The following EGLN1 variants were observed in gnomAD, a reference collection of about 807,000 sequenced individuals.
EGLN1 encodes egl nine homolog 1.
In EGLN1, 17 loss-of-function variants were observed where a neutral mutation model predicts 38.3. The observed-to-expected ratio is 0.44, with a 90% CI of 0.30 to 0.67. The LOEUF (loss-of-function observed/expected upper bound fraction) is 0.67. Ranked by LOEUF, EGLN1 falls within the 30% of genes least tolerant of loss-of-function variation. The probability of loss-of-function intolerance (pLI) is 0.08; values close to 1 mark genes in which losing one functional copy is unlikely to be tolerated. For missense variants in EGLN1, 477 were observed against 603.3 expected (o/e 0.79, Z 2.19); for synonymous variants, 283 against 257.5 (o/e 1.10, Z -0.95).
intron 2 of EGLN1, among the ~76,000 whole-genome samples, chr1:231,370,986 T>C (rs1015533565): frequency 1.3e-5 from 2 of 152,114 alleles, no homozygotes; most frequent in Admixed American, 1.3e-4. Context: ...GCCTCCTAGG[T>C]TCAAGCAATT....
At chr1:231,373,842 A>C in intron 2 of EGLN1, 138 bp downstream of exon 2, 117 of 922,920 alleles carry the variant, frequency 1.3e-4, no homozygotes, top group Middle Eastern at 3.4e-4. Flanking sequence ...ATCCACTCCT[A>C]ATACCTGAGA....
chr1:231,394,362 T>C (rs898569868), intron 1 of EGLN1, among the ~76,000 whole-genome samples: 2 of 151,060 alleles, frequency 1.3e-5, no homozygotes, highest in African/African-American at 4.8e-5. Flanking sequence ...CTCTCAGCCA[T>C]TATTTTAGTC....
At chr1:231,368,708 T>C (rs1687730670) in intron 3 of EGLN1, among the ~76,000 whole-genome samples, 1 of 152,212 alleles carries the variant, frequency 6.6e-6, no homozygotes, top group Middle Eastern at 3.2e-3. Flanking sequence ...GCAACATTTA[T>C]CAGACATACA....
At chr1:231,414,844 T>C (rs956893722) in intron 1 of EGLN1, among the ~76,000 whole-genome samples, 3 of 150,054 alleles carry the variant, frequency 2.0e-5, no homozygotes, top group Non-Finnish European at 4.4e-5. Flanking sequence ...CAAGCGATCC[T>C]CCCACCTCAG....
intron 1 of EGLN1, among the ~76,000 whole-genome samples, chr1:231,402,976 G>A (rs1688700091): frequency 6.6e-6 from 1 of 150,554 alleles, no homozygotes; most frequent in Non-Finnish European, 1.5e-5. Context: ...CTGTACCATT[G>A]CTCTACATCT....
intron 1 of EGLN1, among the ~76,000 whole-genome samples, chr1:231,389,686 C>T (rs559398188): frequency 1.5e-4 from 23 of 152,256 alleles, no homozygotes; most frequent in South Asian, 6.2e-4. Flanking sequence ...CGGTGGCTCA[C>T]GCCTGTAATC....
intron 1 of EGLN1, among the ~76,000 whole-genome samples, chr1:231,380,127 G>A (rs1167289561): frequency 6.6e-6 from 1 of 152,136 alleles, no homozygotes; most frequent in Non-Finnish European, 1.5e-5. Context: ...TGGGATAGCT[G>A]AAGCCGTGTG....
chr1:231,413,791 A>G (rs1689010721), intron 1 of EGLN1, among the ~76,000 whole-genome samples: 1 of 152,070 alleles, frequency 6.6e-6, no homozygotes, highest in African/African-American at 2.4e-5. Flanking sequence ...AAAATATAAC[A>G]AAGGGTAAAG....
At chr1:231,392,761 T>A (rs868027304) in intron 1 of EGLN1, among the ~76,000 whole-genome samples, 2 of 152,234 alleles carry the variant, frequency 1.3e-5, no homozygotes, top group Non-Finnish European at 2.9e-5. Flanking sequence ...GACAGTCTCA[T>A]AATCTTTATC....
intron 1 of EGLN1, among the ~76,000 whole-genome samples, chr1:231,393,194 T>C (rs1458178774): frequency 6.6e-6 from 1 of 152,264 alleles, no homozygotes; most frequent in Non-Finnish European, 1.5e-5. Flanking sequence ...TTGATAATAT[T>C]GTTTGAGCCC....
Position 231,413,840 on chromosome 1 carries a change from G to C in EGLN1, c.891+7158C>G, listed in dbSNP as rs530701475. On this transcript the variant is annotated intron_variant, in intron 1 of 4. Coordinates refer to ENST00000366641, the MANE Select transcript of EGLN1 (RefSeq NM_022051.3). ...TGCTTTGGTAAAGAAATGGGACCTG[G>C]AACACTGAATAAGAAAAAAGAGAAT... Among the ~76,000 whole-genome samples the C allele has an allele frequency of 1.1e-3, 163 of 152,136 alleles. 1 individual carries two copies. The highest frequency in any genetic ancestry group is 3.7e-3 in the African/African-American group (154 of 41,418).
intron 1 of EGLN1, among the ~76,000 whole-genome samples, chr1:231,400,303 GTA>G (rs66855888): frequency 0.54 from 82,541 of 151,626 alleles, 24,095 homozygotes; most frequent in Non-Finnish European, 0.65. Flanking sequence ...AAAATAGTAG[GTA>G]TATATATATT....
chr1:231,401,038 G>A (rs977809351), intron 1 of EGLN1, among the ~76,000 whole-genome samples: 2 of 152,082 alleles, frequency 1.3e-5, no homozygotes, highest in Non-Finnish European at 2.9e-5. Context: ...GCAACAGAGT[G>A]AGACCCTATC....
chr1:231,421,963 G>A lies in EGLN1; in HGVS notation c.-75C>T. ...TAGCGGCCGGACGGCCTCGCCCGAG[G>A]CTGGGGAGCGGGGAGAGAGATAGGG... On this transcript the variant is annotated 5_prime_UTR_variant, in exon 1 of 5. Coordinates refer to ENST00000366641, the MANE Select transcript of EGLN1 (RefSeq NM_022051.3). The surrounding 1 kb of genome is among the most constrained non-coding windows in gnomAD (Gnocchi z 5.5). 1.5e-6 allele frequency: 2 copies of A among 1,318,948 alleles called. No individual in the cohort carries two copies. Among genetic ancestry groups the A allele is most frequent in the Non-Finnish European group, 1.9e-6 (2 of 1,041,984 alleles). 81.7% of individuals were successfully genotyped at this position (1,318,948 alleles called of 1,614,324 possible). A position where few individuals can be genotyped will look rare whatever the true frequency, so the allele number is the denominator to read the frequency against.
At chr1:231,397,746 CAAG>C (rs1448129821) in intron 1 of EGLN1, among the ~76,000 whole-genome samples, 1 of 152,114 alleles carries the variant, frequency 6.6e-6, no homozygotes, top group Non-Finnish European at 1.5e-5. Flanking sequence ...TAGAATGTTG[CAAG>C]AAGATCTCCA....
intron 1 of EGLN1, among the ~76,000 whole-genome samples, chr1:231,391,249 C>T (rs1688378704): frequency 8.2e-6 from 1 of 122,308 alleles, no homozygotes; most frequent in African/African-American, 2.7e-5. Flanking sequence ...CCATGCCCAG[C>T]TGGTATATCT....
chr1:231,397,443 T>C (rs1401239653), intron 1 of EGLN1, among the ~76,000 whole-genome samples: 1 of 152,226 alleles, frequency 6.6e-6, no homozygotes, highest in Non-Finnish European at 1.5e-5. Context: ...TGACAAACTA[T>C]AGCCTGCAGG....
chr1:231,422,202 T>A lies in EGLN1; in HGVS notation c.-314A>T. ...CCTGGGGAGCGCAAGACCGGCCCCC[T>A]CGGCCGCCGCCGCCGCCTCAGCGTC... On this transcript the variant is annotated 5_prime_UTR_variant, in exon 1 of 5. Coordinates refer to ENST00000366641, the MANE Select transcript of EGLN1 (RefSeq NM_022051.3). The A allele has an allele frequency of 5.3e-6, 1 of 189,436 alleles. No homozygotes were observed. Among genetic ancestry groups the A allele is most frequent in the Non-Finnish European group, 1.1e-5 (1 of 93,654 alleles). The allele number at this position is 189,436 out of a possible 1,614,324, so 11.7% of individuals were successfully genotyped here. A position where few individuals can be genotyped will look rare whatever the true frequency, so the allele number is the denominator to read the frequency against.
At chr1:231,370,499 C>T in intron 3 of EGLN1, 63 bp downstream of exon 3, 1 of 1,567,926 alleles carries the variant, frequency 6.4e-7, no homozygotes, top group Admixed American at 1.7e-5. Context: ...TTCACGTTTA[C>T]TCTACAGATT....
Sources: allele counts gnomAD v4.1 joint callset (sites outside exome capture counted in the v4.1 genomes callset), GRCh38; gene constraint gnomAD v4.1.1; non-coding constraint Gnocchi (gnomAD v3.1); transcripts MANE v1.5; gene names NCBI Gene and HGNC (gene_info 2026-07-23, HGNC 2026-07-21).